Variants in UBE2QL1 observed in about 807,000 individuals in gnomAD.
UBE2QL1 encodes the protein ubiquitin conjugating enzyme E2 QL1.
A neutral mutation model predicts 12.6 loss-of-function variants in UBE2QL1; 5 were observed. The observed-to-expected ratio is 0.40, with a 90% CI of 0.21 to 0.83. The LOEUF is 0.83. Ranked by LOEUF, UBE2QL1 falls within the 40% of genes least tolerant of loss-of-function variation. The pLI, the probability that UBE2QL1 is intolerant of heterozygous loss-of-function variation, is 0.37. For synonymous variants in UBE2QL1, 96 were observed against 94.5 expected (o/e 1.02, Z -0.10); for missense variants, 99 against 222.6 (o/e 0.44, Z 3.53).
chr5:6,467,955 G>A lies in UBE2QL1; in HGVS notation c.354+18708G>A, dbSNP rs576945719. On this transcript the variant is annotated intron_variant, in intron 1 of 1. Transcript: ENST00000399816. ...TCTCTTACGCCTGACTTTTCCCTCC[G>A]CCTTCAGGATTCTTCCTGCCTTGTC... Among the ~76,000 whole-genome samples, 16 of 151,728 alleles carry A rather than the reference G, an allele frequency of 1.1e-4. No individual in the cohort carries two copies. In the East Asian group the frequency reaches 2.3e-3, roughly 22 times the overall value.
At position 6,449,058 on chromosome 5, in the gene UBE2QL1, C is replaced by T; in HGVS notation, c.165C>T (p.Asn55=). The T allele has an allele frequency of 1.3e-6, 2 of 1,549,026 alleles. No individual in the cohort carries two copies. The highest frequency in any genetic ancestry group is 1.7e-6 in the Non-Finnish European group (2 of 1,145,858). The stretch of plus-strand genomic sequence containing the variant: ...CCAACACCGAGTTCATCCTGCTCAA[C>T]CTCACCTTCCCCGACAACTTCCCCT... ...KETNTEFILL[N]LTFPDNFPFS... The change falls in exon 1 of 2, where the codon AAC becomes AAT. Residue 55 remains asparagine, a synonymous_variant. Coordinates refer to ENST00000399816, the MANE Select transcript of UBE2QL1 (RefSeq NM_001145161.3).
Position 6,493,683 on chromosome 5 carries a change from T to C in UBE2QL1, c.*2334T>C, listed in dbSNP as rs2126381014. 2 of 152,148 alleles carry C rather than the reference T, an allele frequency of 1.3e-5. No individual in the cohort carries two copies. Among genetic ancestry groups the C allele is most frequent in the South Asian group, 2.1e-4 (1 of 4,828 alleles). 9.4% of individuals were successfully genotyped at this position (152,148 alleles called of 1,614,324 possible). Reference sequence around the variant, plus strand: ...GAACGAAATACCATTTTTCACTCAATTGGTAAGAATTTTTCATTTTAAAAG... The same window carrying C: ...GAACGAAATACCATTTTTCACTCAACTGGTAAGAATTTTTCATTTTAAAAG... On this transcript the variant is annotated 3_prime_UTR_variant, in exon 2 of 2. Coordinates refer to ENST00000399816, the MANE Select transcript of UBE2QL1 (RefSeq NM_001145161.3).
Position 6,491,264 on chromosome 5 carries a change from G to GC in UBE2QL1, c.402dup (p.Lys135GlnfsTer4). The GC allele has an allele frequency of 6.4e-7, 1 of 1,551,560 alleles. No individual in the cohort carries two copies. The highest frequency in any genetic ancestry group is 8.7e-7 in the Non-Finnish European group (1 of 1,146,920). On this transcript the variant is annotated frameshift_variant, in exon 2 of 2. Transcript: ENST00000399816. LOFTEE classifies it high-confidence loss of function. ...GGCAAATCAAAAAAGTCCTTCAGTC[G>GC]CAAGGAAGCTGAAGCTACCTTTAAG...
rs10045489 is a variant in UBE2QL1, at chr5:6,495,200, T to A, written c.*3851T>A. On this transcript the variant is annotated 3_prime_UTR_variant, in exon 2 of 2. Transcript: ENST00000399816. ...CCCTTGCCACCTCTCACCTGCAGAG[T>A]CCCTATTCATGGAGCTGATTTCAGG... Among the ~76,000 whole-genome samples, 11,595 of 151,936 alleles carry A rather than the reference T, an allele frequency of 0.076. 1,491 individuals carry two copies. The highest frequency in any genetic ancestry group is 0.26 in the African/African-American group (10,797 of 41,394).
chr5:6,482,559 G>GGTA (rs1734383648), intron 1 of UBE2QL1, among the ~76,000 whole-genome samples: 1 of 150,568 alleles, frequency 6.6e-6, no homozygotes, highest in South Asian at 2.1e-4. Flanking sequence ...AGCCCCTTTA[G>GGTA]GTACCCCCTC....
rs151114747 is a variant in UBE2QL1, at chr5:6,451,699, G to A, written c.354+2452G>A. Reference sequence around the variant, plus strand: ...GTGGCATACATAAAATATTCAAAATGCAATGAAAGAAAGGAAGAAATGAAT... The same window carrying A: ...GTGGCATACATAAAATATTCAAAATACAATGAAAGAAAGGAAGAAATGAAT... On this transcript the variant is annotated intron_variant, in intron 1 of 1. Transcript: ENST00000399816. Among the ~76,000 whole-genome samples, 11 of 152,320 alleles carry A rather than the reference G, an allele frequency of 7.2e-5. No homozygotes were observed. In the East Asian group the frequency reaches 2.1e-3, roughly 29 times the overall value.
At chr5:6,449,636 C>T (rs1199290522) in intron 1 of UBE2QL1, among the ~76,000 whole-genome samples, 2 of 151,798 alleles carry the variant, frequency 1.3e-5, no homozygotes, top group East Asian at 1.9e-4. Context: ...GACTCTTTCT[C>T]CTCTCACCCC....
Position 6,449,263 on chromosome 5 carries a change from C to A in UBE2QL1, c.354+16C>A, listed in dbSNP as rs1480066457. ...CAAGGGCCAGGTAAGGCGAGCGCGC[C>A]GGGGCTGGGGGCGCGGGGCCGAGAT... On this transcript the variant is annotated intron_variant, in intron 1 of 1. Coordinates refer to ENST00000399816, the MANE Select transcript of UBE2QL1 (RefSeq NM_001145161.3). 7.3e-7 allele frequency: 1 copy of A among 1,368,422 alleles called. No homozygotes were observed. Among genetic ancestry groups the A allele is most frequent in the Non-Finnish European group, 9.4e-7 (1 of 1,062,194 alleles). The allele number at this position is 1,368,422 out of a possible 1,614,324, so 84.8% of individuals were successfully genotyped here. A position where few individuals can be genotyped will look rare whatever the true frequency, so the allele number is the denominator to read the frequency against.
intron 1 of UBE2QL1, among the ~76,000 whole-genome samples, chr5:6,477,817 T>C (rs1734271059): frequency 1.3e-5 from 2 of 152,206 alleles, no homozygotes; most frequent in Admixed American, 1.3e-4. Context: ...AAATTGCATA[T>C]GCAAGGCTGT....
In UBE2QL1 at chr5:6,493,138, T is replaced by A. The variant is rs144894018; in HGVS notation, c.*1789T>A. 6.6e-6 allele frequency: 1 copy of A among 152,254 alleles called. No individual in the cohort carries two copies. Among genetic ancestry groups the A allele is most frequent in the South Asian group, 2.1e-4 (1 of 4,824 alleles). The allele number at this position is 152,254 out of a possible 1,614,324, so 9.4% of individuals were successfully genotyped here. A position where few individuals can be genotyped will look rare whatever the true frequency, so the allele number is the denominator to read the frequency against. On this transcript the variant is annotated 3_prime_UTR_variant, in exon 2 of 2. Coordinates refer to ENST00000399816, the MANE Select transcript of UBE2QL1 (RefSeq NM_001145161.3). ...GCCTGCTCAGCTTCCCTGTGAGTCA[T>A]AATAGTCGTGAAACTTGATGACAGT...
intron 1 of UBE2QL1, among the ~76,000 whole-genome samples, chr5:6,484,968 C>T (rs182855149): frequency 1.3e-5 from 2 of 152,068 alleles, no homozygotes; most frequent in Non-Finnish European, 2.9e-5. Context: ...AGCCATTCCA[C>T]AGCAGGGAGG....
Position 6,496,319 on chromosome 5 carries a change from G to A in UBE2QL1, c.*4970G>A, listed in dbSNP as rs192706277. On this transcript the variant is annotated 3_prime_UTR_variant, in exon 2 of 2. Coordinates refer to ENST00000399816, the MANE Select transcript of UBE2QL1 (RefSeq NM_001145161.3). ...CTCTAGACCTTGGGCAGTCACTGGT[G>A]ATGACACTAATTGAACTAACACAGA... Among the ~76,000 whole-genome samples, 164 of 152,340 alleles carry A rather than the reference G, an allele frequency of 1.1e-3. 1 individual carries two copies. Among genetic ancestry groups the A allele is most frequent in the African/African-American group, 3.7e-3 (155 of 41,572 alleles).
At chr5:6,483,309 C>T (rs1276394240) in intron 1 of UBE2QL1, among the ~76,000 whole-genome samples, 1 of 152,132 alleles carries the variant, frequency 6.6e-6, no homozygotes, top group African/African-American at 2.4e-5. Flanking sequence ...CGTGGTGGTG[C>T]AGGCCTGTAA....
At chr5:6,487,584 T>G (rs1734489076) in intron 1 of UBE2QL1, among the ~76,000 whole-genome samples, 1 of 140,024 alleles carries the variant, frequency 7.1e-6, no homozygotes, top group South Asian at 2.1e-4. Context: ...GAAATGAGAG[T>G]TATTCAAAGG....
At chr5:6,484,214 C>A (rs541093925) in intron 1 of UBE2QL1, among the ~76,000 whole-genome samples, 2 of 152,200 alleles carry the variant, frequency 1.3e-5, no homozygotes, top group Non-Finnish European at 2.9e-5. Context: ...GCGCAGAAGC[C>A]TGAGTGGCCC....
chr5:6,462,460 C>G (rs535052821), intron 1 of UBE2QL1, among the ~76,000 whole-genome samples: 5 of 152,144 alleles, frequency 3.3e-5, no homozygotes, highest in African/African-American at 1.2e-4. Context: ...CTCATGCTCC[C>G]GAGGGTGGCA....
chr5:6,467,815 T>G (rs1193866917), intron 1 of UBE2QL1, among the ~76,000 whole-genome samples: 1 of 151,168 alleles, frequency 6.6e-6, no homozygotes, highest in Non-Finnish European at 1.5e-5. Context: ...CCTTTGTTCC[T>G]GCAGCATCGA....
At chr5:6,466,042 C>T (rs1387488263) in intron 1 of UBE2QL1, among the ~76,000 whole-genome samples, 1 of 152,146 alleles carries the variant, frequency 6.6e-6, no homozygotes, top group Non-Finnish European at 1.5e-5. Flanking sequence ...TCCTGCCCCT[C>T]CCTCTTCCTT....
At chr5:6,465,512 T>G (rs189045774) in intron 1 of UBE2QL1, among the ~76,000 whole-genome samples, 3 of 152,296 alleles carry the variant, frequency 2.0e-5, no homozygotes, top group Admixed American at 2.0e-4. Flanking sequence ...AAAGTAATTT[T>G]CTCCAAGACC....
Sources: gnomAD v4.1 joint callset for allele counts (sites outside exome capture counted in the v4.1 genomes callset) on GRCh38, gnomAD v4.1.1 for gene constraint, MANE v1.5 for transcripts, NCBI Gene and HGNC (gene_info 2026-07-23, HGNC 2026-07-21) for gene names.